Variants in KCTD3 observed in about 807,000 individuals in gnomAD.
The protein encoded by KCTD3 is BTB/POZ domain-containing protein KCTD3.
A neutral mutation model predicts 85.8 loss-of-function variants in KCTD3; 41 were observed. That is an observed-to-expected ratio of 0.48 (90% confidence interval 0.37 to 0.62). KCTD3 has a LOEUF of 0.62. KCTD3 is among the 20% of genes least tolerant of loss of function. The pLI is 0.00. For synonymous variants in KCTD3, 338 were observed against 345.4 expected (o/e 0.98, Z 0.24); for missense variants, 724 against 989.9 (o/e 0.73, Z 3.60).
intron 12 of KCTD3, 26 bp downstream of exon 12, chr1:215,602,227 T>A (rs1287641981): frequency 9.1e-7 from 1 of 1,102,018 alleles, no homozygotes; most frequent in Non-Finnish European, 1.3e-6. Flanking sequence ...ATTATATACA[T>A]TCTTGACTTT....
At position 215,580,077 on chromosome 1, in the gene KCTD3, A is replaced by G. The variant is rs1260350662; in HGVS notation, c.626+78A>G. ...ATTGTGATTTTATATTTTTAGATTGAAAAGCTATTTTTTTTTAGTCATCAA... is the reference window on the plus strand; with the variant it reads ...ATTGTGATTTTATATTTTTAGATTGGAAAGCTATTTTTTTTTAGTCATCAA... On this transcript the variant is annotated intron_variant, in intron 8 of 17. Transcript: ENST00000259154. 5 of 974,640 alleles carry G rather than the reference A, an allele frequency of 5.1e-6. No individual in the cohort carries two copies. The African/African-American group carries it at 8.3e-5, about 16-fold the overall frequency. 60.4% of individuals were successfully genotyped at this position (974,640 alleles called of 1,614,324 possible). A position where few individuals can be genotyped will look rare whatever the true frequency, so the allele number is the denominator to read the frequency against.
chr1:215,577,677 A>G lies in KCTD3; in HGVS notation c.265A>G (p.Ser89Gly), dbSNP rs745471321. The G allele has an allele frequency of 6.3e-6, 10 of 1,585,980 alleles. No individual in the cohort carries two copies. Among genetic ancestry groups the G allele is most frequent in the Non-Finnish European group, 7.8e-6 (9 of 1,154,726 alleles). The change falls in exon 5 of 18, where the codon AGT (serine) becomes GGT (glycine). Residue 89 changes from serine (S) to glycine (G), a missense_variant. Around this residue, in one of 6 missense-constraint regions of KCTD3, gnomAD observed 97 missense variants for 115.7 expected, o/e 0.84. Coordinates refer to ENST00000259154, the MANE Select transcript of KCTD3 (RefSeq NM_016121.5). Reference sequence around the variant, plus strand: ...TCATTTGTTTCTTTGTAGGGGAGTGAGTATTAATGTTCTCAGGCATGAAGC... The same window carrying G: ...TCATTTGTTTCTTTGTAGGGGAGTGGGTATTAATGTTCTCAGGCATGAAGC... ...RTKELDLRGV[S>G]INVLRHEAEF...
intron 15 of KCTD3, among the ~76,000 whole-genome samples, chr1:215,617,554 C>T (rs1174269370): frequency 6.6e-6 from 1 of 151,570 alleles, no homozygotes; most frequent in African/African-American, 2.4e-5. Flanking sequence ...ACATTCTGCC[C>T]CAAAATAGGC....
In KCTD3 at chr1:215,579,026, A is replaced by G. The variant is rs1349734190; in HGVS notation, c.424A>G (p.Thr142Ala). 1.3e-6 allele frequency: 2 copies of G among 1,565,956 alleles called. No homozygotes were observed. The highest frequency in any genetic ancestry group is 1.4e-5 in the African/African-American group (1 of 71,184). The change falls in exon 7 of 18, where the codon ACA (threonine) becomes GCA (alanine). Residue 142 changes from threonine to alanine, a missense_variant. Physicochemically the swap from Thr to Ala is moderately conservative, Grantham distance 58. Around this residue, in one of 6 missense-constraint regions of KCTD3, gnomAD observed 106 missense variants for 98.2 expected, o/e 1.08. Coordinates refer to ENST00000259154, the MANE Select transcript of KCTD3 (RefSeq NM_016121.5). ...PGIPSRKINN[T>A]VRSADSRNGL... ...TATTCCTAGTCGTAAAATAAACAAC[A>G]CAGTCAGATCTGCTGATTCTAGGAA...
Position 215,567,576 on chromosome 1 carries a change from C to CCGCCGCCCCGCTGGCCCTGCAGCCGT in KCTD3, c.-103_-78dup, listed in dbSNP as rs1659176221. On this transcript the variant is annotated 5_prime_UTR_variant, in exon 1 of 18. Transcript: ENST00000259154. The stretch of plus-strand genomic sequence containing the variant: ...CCGTGCACCCCCCGCCCTCCGGCCG[C>CCGCCGCCCCGCTGGCCCTGCAGCCGT]CGCCGCCCCGCTGGCCCTGCAGCCG... The CCGCCGCCCCGCTGGCCCTGCAGCCGT allele has an allele frequency of 1.8e-6, 1 of 558,344 alleles. No individual in the cohort carries two copies. Among genetic ancestry groups the CCGCCGCCCCGCTGGCCCTGCAGCCGT allele is most frequent in the African/African-American group, 2.0e-5 (1 of 50,790 alleles). The allele number at this position is 558,344 out of a possible 1,614,324, so 34.6% of individuals were successfully genotyped here. A position where few individuals can be genotyped will look rare whatever the true frequency, so the allele number is the denominator to read the frequency against.
At chr1:215,574,384 A>G (rs1170820021) in intron 3 of KCTD3, among the ~76,000 whole-genome samples, 2 of 152,180 alleles carry the variant, frequency 1.3e-5, no homozygotes, top group African/African-American at 4.8e-5. Context: ...AAATTTTTTT[A>G]GATCAATAAT....
intron 10 of KCTD3, 91 bp from the exon 11 acceptor site, chr1:215,601,776 T>G: frequency 1.3e-6 from 1 of 781,302 alleles, no homozygotes. Context: ...GGTTGCCTCT[T>G]TACCAGAAGA....
At chr1:215,599,354 A>G (rs1208472391) in intron 10 of KCTD3, among the ~76,000 whole-genome samples, 1 of 152,228 alleles carries the variant, frequency 6.6e-6, no homozygotes, top group Non-Finnish European at 1.5e-5. Flanking sequence ...GTAATGGACG[A>G]AGGTTAAAAC....
intron 12 of KCTD3, among the ~76,000 whole-genome samples, chr1:215,603,234 G>A (rs1025038551): frequency 6.6e-6 from 1 of 152,062 alleles, no homozygotes; most frequent in African/African-American, 2.4e-5. Flanking sequence ...GTGGCAGGGG[G>A]ATTTTAAGGC....
chr1:215,574,045 C>A, intron 2 of KCTD3, 28 bp from the exon 3 acceptor site: 1 of 1,542,614 alleles, frequency 6.5e-7, no homozygotes, highest in Non-Finnish European at 8.9e-7. Context: ...ATTTTAAAAA[C>A]TAACTTTAGA....
At chr1:215,595,927 G>C (rs965727954) in intron 10 of KCTD3, among the ~76,000 whole-genome samples, 1 of 152,154 alleles carries the variant, frequency 6.6e-6, no homozygotes. Context: ...TTTAAGCAGG[G>C]AGTGACATAA....
chr1:215,582,233 GC>G (rs2102564375), intron 8 of KCTD3, among the ~76,000 whole-genome samples: 1 of 152,238 alleles, frequency 6.6e-6, no homozygotes, highest in Admixed American at 6.5e-5. Flanking sequence ...GAATCTGATA[GC>G]CCATTTTATC....
chr1:215,621,464 T>C lies in KCTD3; in HGVS notation c.*846T>C, dbSNP rs760866516. The stretch of plus-strand genomic sequence containing the variant: ...AATCATGATAATTAAATTAAAACAC[T>C]AGTTTGTTCACTTGTAGGACTGCAG... On this transcript the variant is annotated 3_prime_UTR_variant, in exon 18 of 18. Transcript: ENST00000259154. The C allele has an allele frequency of 5.3e-5, 8 of 152,220 alleles. No homozygotes were observed. The East Asian group carries it at 1.5e-3, about 29-fold the overall frequency. The allele number at this position is 152,220 out of a possible 1,614,324, so 9.4% of individuals were successfully genotyped here.
At chr1:215,592,114 C>T (rs1271546107) in intron 9 of KCTD3, among the ~76,000 whole-genome samples, 1 of 152,186 alleles carries the variant, frequency 6.6e-6, no homozygotes, top group Non-Finnish European at 1.5e-5. Context: ...GACCTGTCCC[C>T]ATGATTCAGT....
chr1:215,581,615 C>T (rs960948852), intron 8 of KCTD3, among the ~76,000 whole-genome samples: 9 of 152,272 alleles, frequency 5.9e-5, no homozygotes, highest in Admixed American at 2.6e-4. Context: ...CAAAATTTAA[C>T]TCACTGGGTA....
chr1:215,595,224 C>A, intron 9 of KCTD3, 132 bp from the exon 10 acceptor site: 1 of 609,588 alleles, frequency 1.6e-6, no homozygotes, highest in East Asian at 2.7e-5. Context: ...TTCTAGTCCC[C>A]AACACGTATA....
intron 9 of KCTD3, among the ~76,000 whole-genome samples, chr1:215,590,481 GCTTTCTAGATCACTTTATATTAAC>G (rs1660168736): frequency 1.3e-5 from 2 of 151,980 alleles, no homozygotes; most frequent in South Asian, 4.2e-4. Flanking sequence ...CTCCTTTTGA[GCTTTCTAGATCACTTTATATTAAC>G]CTGGGGTTGT....
intron 14 of KCTD3, among the ~76,000 whole-genome samples, chr1:215,610,864 C>T (rs149394151): frequency 5.4e-4 from 82 of 151,846 alleles, no homozygotes; most frequent in African/African-American, 1.8e-3. Flanking sequence ...AAAGCATTTA[C>T]GGTGGCACAT....
intron 3 of KCTD3, among the ~76,000 whole-genome samples, chr1:215,574,698 T>G (rs1659504918): frequency 6.6e-6 from 1 of 152,170 alleles, no homozygotes; most frequent in Non-Finnish European, 1.5e-5. Context: ...TAAAAAGTTA[T>G]CAATAATAAG....
Sources: allele counts gnomAD v4.1 joint callset (sites outside exome capture counted in the v4.1 genomes callset), GRCh38; gene constraint gnomAD v4.1.1; regional missense constraint gnomAD v4.1.1; transcripts MANE v1.5; gene names NCBI Gene and HGNC (gene_info 2026-07-23, HGNC 2026-07-21).